BCL11A: variants seen among roughly 807,000 people sequenced by gnomAD.
BCL11A encodes B cell CLL/lymphoma 11A.
A neutral mutation model predicts 55.9 loss-of-function variants in BCL11A; 2 were observed. That is an observed-to-expected ratio of 0.04 (90% confidence interval 0.01 to 0.11). The LOEUF (loss-of-function observed/expected upper bound fraction) is 0.11, where lower values mean the gene tolerates loss of function less well. Among genes scored for constraint, BCL11A ranks in the 10% least tolerant of loss-of-function variants. The pLI, the probability that BCL11A is intolerant of heterozygous loss-of-function variation, is 1.00. For missense variants in BCL11A, 817 were observed against 1,137.1 expected (o/e 0.72, Z 4.05); for synonymous variants, 465 against 473.4 (o/e 0.98, Z 0.23).
chr2:60,516,864 T>C (rs1020888084), intron 2 of BCL11A, among the ~76,000 whole-genome samples: 1 of 152,178 alleles, frequency 6.6e-6, no homozygotes, highest in African/African-American at 2.4e-5. Flanking sequence ...ATCAGACTAA[T>C]GTTTGAGTAA....
chr2:60,505,654 G>T (rs951883667), intron 2 of BCL11A, among the ~76,000 whole-genome samples: 1 of 152,204 alleles, frequency 6.6e-6, no homozygotes, highest in Non-Finnish European at 1.5e-5. Flanking sequence ...GGCTGCCAGA[G>T]CAAGAGAGTT....
intron 3 of BCL11A, among the ~76,000 whole-genome samples, chr2:60,464,811 T>G (rs1468475407): frequency 6.6e-6 from 1 of 152,206 alleles, no homozygotes; most frequent in South Asian, 2.1e-4. Context: ...GAGCCAGTTA[T>G]GTGATCATGC....
Position 60,461,336 on chromosome 2 carries a change from C to T in BCL11A, c.1576G>A (p.Glu526Lys). 1.9e-6 allele frequency: 3 copies of T among 1,575,760 alleles called. No individual in the cohort carries two copies. The highest frequency in any genetic ancestry group is 2.6e-6 in the Non-Finnish European group (3 of 1,166,002). ...ACGACCGCGCCCCGCGAGCTGTTCT[C>T]GTGGTGGCGCGCCGCCTCCAGGCTC... ...GLSLEAARHH[E>K]NSSRGAVVGV... is the part of the protein sequence containing the mutation. Residue 526 changes from glutamate to lysine, a missense_variant, in exon 4 of 4, where the codon GAG (glutamate) becomes AAG (lysine). Physicochemically the swap from Glu to Lys is moderately conservative, Grantham distance 56. Coordinates refer to ENST00000642384, the MANE Select transcript of BCL11A (RefSeq NM_022893.4).
In BCL11A at chr2:60,467,735, G is replaced by A. The variant is rs1384986539; in HGVS notation, c.487+997C>T. ...GGTGATGGTACTGGTGGTGATGGTG[G>A]TGGTGGTAGTGATGGTGGTGGTAAT... is the stretch of plus-strand genomic sequence containing the variant. On this transcript the variant is annotated intron_variant, in intron 3 of 3. Coordinates refer to ENST00000642384, the MANE Select transcript of BCL11A (RefSeq NM_022893.4). Among the ~76,000 whole-genome samples, 66 of 89,170 alleles carry A rather than the reference G, an allele frequency of 7.4e-4. 3 individuals are homozygous for A. The highest frequency in any genetic ancestry group is 2.7e-3 in the African/African-American group (61 of 22,278). The allele number at this position is 89,170 out of a possible 152,430, so 58.5% of individuals were successfully genotyped here. A position where few individuals can be genotyped will look rare whatever the true frequency, so the allele number is the denominator to read the frequency against.
At chr2:60,488,605 T>TA in intron 2 of BCL11A, among the ~76,000 whole-genome samples, 1 of 152,356 alleles carries the variant, frequency 6.6e-6, no homozygotes, top group East Asian at 1.9e-4. Flanking sequence ...AGAAAATACT[T>TA]ACTGTACTGC....
At chr2:60,520,500 AT>A (rs1228932067) in intron 2 of BCL11A, among the ~76,000 whole-genome samples, 1 of 152,234 alleles carries the variant, frequency 6.6e-6, no homozygotes, top group Non-Finnish European at 1.5e-5. Flanking sequence ...CTTCGGTGGG[AT>A]AATGTACACA....
intron 2 of BCL11A, among the ~76,000 whole-genome samples, chr2:60,508,292 G>T (rs1679759275): frequency 1.3e-5 from 2 of 152,138 alleles, no homozygotes; most frequent in East Asian, 1.9e-4. Flanking sequence ...CAGGACACAG[G>T]GAAGGCCTGA....
In BCL11A at chr2:60,460,911, C is replaced by T. The variant is rs1292572244; in HGVS notation, c.2001G>A (p.Arg667=). 1 of 1,612,942 alleles carries T rather than the reference C, an allele frequency of 6.2e-7. No homozygotes were observed. Among genetic ancestry groups the T allele is most frequent in the Admixed American group, 1.7e-5 (1 of 60,036 alleles). ...AGCTAAGGAAGGGATCTTTGAGCTG[C>T]CTGGAGGCCGCGTAGCCGGCGAGCC... is the stretch of plus-strand genomic sequence containing the variant. ...SQWLAGYAAS[R]QLKDPFLSFG... The change falls in exon 4 of 4, where the codon AGG becomes AGA. Residue 667 remains arginine (R), a synonymous_variant. Coordinates refer to ENST00000642384, the MANE Select transcript of BCL11A (RefSeq NM_022893.4).
chr2:60,453,379 G>C (rs763610218), downstream of BCL11A, among the ~76,000 whole-genome samples: 1 of 152,252 alleles, frequency 6.6e-6, no homozygotes, highest in Non-Finnish European at 1.5e-5. Flanking sequence ...AGAACTGGGA[G>C]TCCGGATGTG....
chr2:60,528,391 T>C (rs1573063173), intron 2 of BCL11A: 2 of 152,450 alleles, frequency 1.3e-5, no homozygotes, highest in African/African-American at 2.4e-5. Context: ...CCTCACTTGA[T>C]TTCAGGCTCA....
At chr2:60,548,542 C>T (rs1670254530) in intron 1 of BCL11A, among the ~76,000 whole-genome samples, 1 of 152,138 alleles carries the variant, frequency 6.6e-6, no homozygotes, top group Non-Finnish European at 1.5e-5. Context: ...GCTGATTACA[C>T]CTCCACATTT....
chr2:60,541,681 T>C (rs1360840234), intron 2 of BCL11A: 2 of 461,218 alleles, frequency 4.3e-6, no homozygotes, highest in Admixed American at 8.6e-5. Flanking sequence ...AAAACAATAT[T>C]CTCTACTCTC....
intron 2 of BCL11A, among the ~76,000 whole-genome samples, chr2:60,496,180 G>T (rs1004613010): frequency 6.6e-6 from 1 of 152,184 alleles, no homozygotes; most frequent in Non-Finnish European, 1.5e-5. Context: ...AACCAGAACC[G>T]GGAAAGTTCT....
At position 60,553,286 on chromosome 2, in the gene BCL11A, GGGCGGCGGCGGCGGCGGCGGC is replaced by G. The variant is rs748538213; in HGVS notation, c.-37_-17del. 6.4e-7 allele frequency: 1 copy of G among 1,553,960 alleles called. No homozygotes were observed. Among genetic ancestry groups the G allele is most frequent in the Non-Finnish European group, 8.6e-7 (1 of 1,158,212 alleles). ...GGCGAGACATGGTGGGCTGCGGGGC[GGGCGGCGGCGGCGGCGGCGGC>G]GGCGGCGGGCGGACGACGGCTCGGT... On this transcript the variant is annotated 5_prime_UTR_variant, in exon 1 of 4. Transcript: ENST00000642384.
chr2:60,460,310 A>G lies in BCL11A; in HGVS notation c.*94T>C, dbSNP rs1402357464. Reference sequence around the variant, plus strand: ...TTAAATCACATGGGACTAGAAAAAAATCCTACAGGGAGTGGGGCTGGAGGG... The same window carrying G: ...TTAAATCACATGGGACTAGAAAAAAGTCCTACAGGGAGTGGGGCTGGAGGG... On this transcript the variant is annotated 3_prime_UTR_variant, in exon 4 of 4. Transcript: ENST00000642384. 1 of 1,500,030 alleles carries G rather than the reference A, an allele frequency of 6.7e-7. No individual in the cohort carries two copies. Among genetic ancestry groups the G allele is most frequent in the African/African-American group, 1.4e-5 (1 of 71,358 alleles). 92.9% of individuals were successfully genotyped at this position (1,500,030 alleles called of 1,614,324 possible).
intron 2 of BCL11A, chr2:60,536,051 C>G (rs916453612): frequency 4.6e-5 from 7 of 152,146 alleles, no homozygotes; most frequent in African/African-American, 1.7e-4. Flanking sequence ...CAGGTGAAAG[C>G]AAGAAAGTAT....
chr2:60,497,404 A>G (rs960080994), intron 2 of BCL11A, among the ~76,000 whole-genome samples: 2 of 152,212 alleles, frequency 1.3e-5, no homozygotes, highest in East Asian at 1.9e-4. Flanking sequence ...AAGTTAATCA[A>G]TCCCTAGAAA....
intron 2 of BCL11A, among the ~76,000 whole-genome samples, chr2:60,479,655 C>T (rs777034905): frequency 2.0e-5 from 3 of 152,114 alleles, no homozygotes; most frequent in Non-Finnish European, 2.9e-5. Context: ...TCAAAGAGGC[C>T]GACCAGGCAA....
At chr2:60,511,384 A>G (rs895123402) in intron 2 of BCL11A, among the ~76,000 whole-genome samples, 77 of 152,348 alleles carry the variant, frequency 5.1e-4, no homozygotes, top group East Asian at 9.6e-4. Flanking sequence ...GAACTCGCCA[A>G]TTTGGGAAGT....
Sources: allele counts gnomAD v4.1 joint callset (sites outside exome capture counted in the v4.1 genomes callset), GRCh38; gene constraint gnomAD v4.1.1; transcripts MANE v1.5; gene names NCBI Gene and HGNC (gene_info 2026-07-23, HGNC 2026-07-21).